Variants in PDE4A observed in about 807,000 individuals in gnomAD.
PDE4A encodes the protein phosphodiesterase 4A, also known as 3',5'-cyclic-AMP phosphodiesterase 4A.
PDE4A carries 21 observed loss-of-function variants against 73.9 expected under a neutral mutation model. The observed-to-expected ratio is 0.28, with a 90% confidence interval of 0.20 to 0.41. PDE4A has a LOEUF of 0.41. PDE4A is among the 10% of genes least tolerant of loss of function. The pLI, the probability that PDE4A is intolerant of heterozygous loss-of-function variation, is 1.00. For missense variants in PDE4A, 958 were observed against 1,211.4 expected, an observed-to-expected ratio of 0.79 and a Z score of 3.10; for synonymous variants, 463 against 505.4, an observed-to-expected ratio of 0.92 and a Z score of 1.13.
chr19:10,442,887 A>G (rs1395936529), intron 1 of PDE4A, among the ~76,000 whole-genome samples: 1 of 150,234 alleles, frequency 6.7e-6, no homozygotes, highest in Non-Finnish European at 1.5e-5. Context: ...TAGTGCATAT[A>G]CATGTATGCA....
At chr19:10,457,844 T>G in intron 7 of PDE4A, 35 bp from the exon 8 acceptor site, 2 of 1,610,524 alleles carry the variant, frequency 1.2e-6, no homozygotes, top group Non-Finnish European at 1.7e-6. Flanking sequence ...GTGGAAGGGT[T>G]GTTCACACTT....
Position 10,442,920 on chromosome 19 carries a change from A to G in PDE4A, c.321-3298A>G, listed in dbSNP as rs982792505. 2.0e-5 allele frequency among the ~76,000 whole-genome samples: 3 copies of G among 150,938 alleles called. No homozygotes were observed. The Admixed American group carries it at 2.0e-4, about 10-fold the overall frequency. ...GCAATATTAGCAATATTGCATATGCATATATAATACTAGCAATATTGCATA... is the reference window on the plus strand; with the variant it reads ...GCAATATTAGCAATATTGCATATGCGTATATAATACTAGCAATATTGCATA... On this transcript the variant is annotated intron_variant, in intron 1 of 14. Coordinates refer to ENST00000380702, the MANE Select transcript of PDE4A (RefSeq NM_001111307.2).
At chr19:10,421,978 G>A (rs74806945) in intron 1 of PDE4A, among the ~76,000 whole-genome samples, 8,900 of 152,278 alleles carry the variant, frequency 0.058, 357 homozygotes, top group Non-Finnish European at 0.088. Flanking sequence ...AATTGTGACA[G>A]TGTGACTGTG....
chr19:10,417,407 G>C (rs1000087521), upstream of PDE4A: 11 of 985,170 alleles, frequency 1.1e-5, no homozygotes, highest in Non-Finnish European at 1.3e-5. Context: ...AGAATGTCTA[G>C]ATGTGACAGA....
chr19:10,427,412 A>C (rs1422674407), intron 1 of PDE4A: 1 of 835,366 alleles, frequency 1.2e-6, no homozygotes, highest in East Asian at 1.2e-4. Flanking sequence ...GATACGTTGG[A>C]GGCAAGTGTG....
chr19:10,422,042 C>T (rs1286325148), intron 1 of PDE4A, among the ~76,000 whole-genome samples: 1 of 152,092 alleles, frequency 6.6e-6, no homozygotes, highest in African/African-American at 2.4e-5. Context: ...GCGACAGTGA[C>T]TGTGTGTGCT....
In PDE4A at chr19:10,449,071, C is replaced by G; in HGVS notation, c.550-9C>G. The stretch of plus-strand genomic sequence containing the variant: ...GAACCCCACTCCTCACTGCCGCTCC[C>G]CATCCCAGGTGCTGGCCAGCCTCCG... On this transcript the variant is annotated splice_polypyrimidine_tract_variant and intron_variant, in intron 3 of 14. Transcript: ENST00000380702. 1 of 1,613,338 alleles carries G rather than the reference C, an allele frequency of 6.2e-7. No individual in the cohort carries two copies. Among genetic ancestry groups the G allele is most frequent in the Non-Finnish European group, 8.5e-7 (1 of 1,179,670 alleles).
chr19:10,418,105 G>A (rs1436408937), upstream of PDE4A, among the ~76,000 whole-genome samples: 1 of 152,198 alleles, frequency 6.6e-6, no homozygotes. Flanking sequence ...GAGGAAAGGG[G>A]TGTCATGTCT....
chr19:10,433,455 C>T (rs925820714), intron 1 of PDE4A, among the ~76,000 whole-genome samples: 4 of 152,270 alleles, frequency 2.6e-5, no homozygotes, highest in Admixed American at 6.5e-5. Context: ...CACACAGGAA[C>T]GCACCCCGTG....
At chr19:10,448,267 T>G (rs145338437) in intron 2 of PDE4A, among the ~76,000 whole-genome samples, 2,274 of 151,910 alleles carry the variant, frequency 0.015, 35 homozygotes, top group Non-Finnish European at 0.017. Flanking sequence ...ACCCAGCTAA[T>G]TTTTGTATTT....
intron 1 of PDE4A, among the ~76,000 whole-genome samples, chr19:10,441,846 C>T (rs558759114): frequency 2.0e-5 from 3 of 151,694 alleles, no homozygotes; most frequent in South Asian, 2.1e-4. Flanking sequence ...CCCACCACTA[C>T]GCCCGGCTAA....
In PDE4A at chr19:10,467,509, G is replaced by C; in HGVS notation, c.2549G>C (p.Arg850Pro). Residue 850 changes from arginine to proline, a missense_variant, in exon 15 of 15, where the codon CGA (arginine) becomes CCA (proline). By Grantham distance (103) the Arg-to-Pro change is moderately radical. Transcript: ENST00000380702. ...PSTAAEVEAQREHQAAKRACS... is the reference protein window; with the variant it reads ...PSTAAEVEAQPEHQAAKRACS... ...ACGGCGGCCGAGGTGGAGGCCCAAC[G>C]AGAGCACCAGGCTGCCAAGAGGGCT... 1 of 1,612,808 alleles carries C rather than the reference G, an allele frequency of 6.2e-7. No homozygotes were observed. Among genetic ancestry groups the C allele is most frequent in the South Asian group, 1.1e-5 (1 of 91,064 alleles).
rs532685508 is a variant in PDE4A at position 10,430,407 on chromosome 19, C to G, written c.320+9323C>G. 1.1e-3 allele frequency among the ~76,000 whole-genome samples: 171 copies of G among 152,030 alleles called. 1 individual carries two copies. Among genetic ancestry groups the G allele is most frequent in the African/African-American group, 4.1e-3 (170 of 41,472 alleles). On this transcript the variant is annotated intron_variant, in intron 1 of 14. Coordinates refer to ENST00000380702, the MANE Select transcript of PDE4A (RefSeq NM_001111307.2). ...ACCTCTAAGTTGTGCTGAGAAGCCC[C>G]GGGATTTGGGGGGGTACCCCTGGAC...
chr19:10,465,448 G>A (rs1322992311), intron 14 of PDE4A, among the ~76,000 whole-genome samples: 1 of 151,604 alleles, frequency 6.6e-6, no homozygotes, highest in Admixed American at 6.6e-5. Flanking sequence ...TCGAACTCCC[G>A]ACCTCAGGTG....
At chr19:10,462,063 G>GCAGT in intron 13 of PDE4A, 64 bp downstream of exon 13, 2 of 1,355,564 alleles carry the variant, frequency 1.5e-6, no homozygotes, top group Non-Finnish European at 2.1e-6. Context: ...TTAGGTCTGG[G>GCAGT]TAGCTAACTG....
Position 10,458,232 on chromosome 19 carries a change from A to G in PDE4A, c.1101+130A>G, listed in dbSNP as rs2043203576. 1.2e-6 allele frequency: 1 copy of G among 812,720 alleles called. No individual in the cohort carries two copies. 50.3% of individuals were successfully genotyped at this position (812,720 alleles called of 1,614,324 possible). On this transcript the variant is annotated intron_variant, in intron 8 of 14. Transcript: ENST00000380702. This position sits in a 1 kb window ranked among gnomAD's most constrained non-coding sequence, Gnocchi z 4.6. Reference sequence around the variant, plus strand: ...GAGCTTGAGATGAGGGTTTGAGCCCATCTTGAGGCAAGCATGCTGGCTCTT... The same window carrying G: ...GAGCTTGAGATGAGGGTTTGAGCCCGTCTTGAGGCAAGCATGCTGGCTCTT...
intron 1 of PDE4A, among the ~76,000 whole-genome samples, chr19:10,434,037 C>A (rs950264841): frequency 7.9e-5 from 12 of 152,104 alleles, no homozygotes; most frequent in South Asian, 4.2e-4. Flanking sequence ...TTGAGACCAG[C>A]CTGGGCAACA....
Position 10,467,375 on chromosome 19 carries a change from T to C in PDE4A, c.2415T>C (p.Ala805=). The change falls in exon 15 of 15, where the codon GCT becomes GCC. Residue 805 remains alanine (A), a synonymous_variant. Transcript: ENST00000380702. ...CGTCCCGGGAGGAATTCGTGGTTGC[T>C]GTAAGCCACAGCAGCCCCTCTGCCC... ...EFSSREEFVV[A]VSHSSPSALA... The C allele has an allele frequency of 6.2e-7, 1 of 1,614,138 alleles. No individual in the cohort carries two copies. Among genetic ancestry groups the C allele is most frequent in the Non-Finnish European group, 8.5e-7 (1 of 1,180,000 alleles).
intron 1 of PDE4A, among the ~76,000 whole-genome samples, chr19:10,437,094 A>G (rs757015449): frequency 6.6e-6 from 1 of 152,100 alleles, no homozygotes; most frequent in African/African-American, 2.4e-5. Context: ...CAAGCTGATG[A>G]TCTATGATTA....
Sources: gnomAD v4.1 joint callset for allele counts (sites outside exome capture counted in the v4.1 genomes callset) on GRCh38, gnomAD v4.1.1 for gene constraint, Gnocchi (gnomAD v3.1) non-coding constraint, MANE v1.5 for transcripts, NCBI Gene and HGNC (gene_info 2026-07-23, HGNC 2026-07-21) for gene names.